TIMM9: variants seen among roughly 807,000 people sequenced by gnomAD.
TIMM9 encodes translocase of inner mitochondrial membrane 9, also known as mitochondrial import inner membrane translocase subunit Tim9.
A neutral mutation model predicts 13.4 loss-of-function variants in TIMM9; 10 were observed. That is an observed-to-expected ratio of 0.75 (90% CI 0.46 to 1.26). The LOEUF (loss-of-function observed/expected upper bound fraction) is 1.26, where lower values mean the gene tolerates loss of function less well. Ranked by LOEUF, TIMM9 falls within the 50% of genes most tolerant of loss-of-function variation. The probability of loss-of-function intolerance (pLI) is 0.00; values close to 1 mark genes in which losing one functional copy is unlikely to be tolerated. For missense variants in TIMM9, 87 were observed against 100.8 expected (o/e 0.86, Z 0.58); for synonymous variants, 32 against 32.1 (o/e 1.00, Z 0.01).
In TIMM9 at chr14:58,413,992, G is replaced by T. The variant is rs569124982; in HGVS notation, c.-26-2021C>A. Among the ~76,000 whole-genome samples the T allele has an allele frequency of 5.0e-4, 51 of 102,620 alleles. 1 individual carries two copies. Among genetic ancestry groups the T allele is most frequent in the African/African-American group, 1.9e-3 (49 of 25,924 alleles). The allele number at this position is 102,620 out of a possible 152,430, so 67.3% of individuals were successfully genotyped here. A position where few individuals can be genotyped will look rare whatever the true frequency, so the allele number is the denominator to read the frequency against. On this transcript the variant is annotated intron_variant, in intron 3 of 5. Coordinates refer to ENST00000395159, the MANE Select transcript of TIMM9 (RefSeq NM_012460.4). Reference sequence around the variant, plus strand: ...ACTGCACTCCGGCCTGGGTGACAGAGTGAGATTCCGTCTCAGAAAAAAAAA... The same window carrying T: ...ACTGCACTCCGGCCTGGGTGACAGATTGAGATTCCGTCTCAGAAAAAAAAA...
Position 58,408,889 on chromosome 14 carries a change from C to T in TIMM9, c.*145G>A, listed in dbSNP as rs2036116414. 3 of 1,199,612 alleles carry T rather than the reference C, an allele frequency of 2.5e-6. No homozygotes were observed. The highest frequency in any genetic ancestry group is 3.4e-6 in the Non-Finnish European group (3 of 871,630). 74.3% of individuals were successfully genotyped at this position (1,199,612 alleles called of 1,614,324 possible). A position where few individuals can be genotyped will look rare whatever the true frequency, so the allele number is the denominator to read the frequency against. On this transcript the variant is annotated 3_prime_UTR_variant, in exon 6 of 6. Coordinates refer to ENST00000395159, the MANE Select transcript of TIMM9 (RefSeq NM_012460.4). ...CTGGTAAATAGCAATTTTGTTTCTC[C>T]AGCGGTTTCCATTTGCCAAACAGTC...
intron 3 of TIMM9, among the ~76,000 whole-genome samples, chr14:58,422,610 A>G (rs2036620371): frequency 6.6e-6 from 1 of 152,198 alleles, no homozygotes; most frequent in South Asian, 2.1e-4. Flanking sequence ...GTATTAATAT[A>G]CATTACTTAA....
chr14:58,412,039 A>G (rs1239346523), intron 3 of TIMM9, 68 bp from the exon 4 acceptor site: 3 of 1,139,152 alleles, frequency 2.6e-6, no homozygotes, highest in Non-Finnish European at 2.6e-6. Context: ...CTGAAGAGTT[A>G]GGGAATCACT....
intron 2 of TIMM9, among the ~76,000 whole-genome samples, chr14:58,426,717 A>T (rs2036838956): frequency 6.6e-6 from 1 of 152,234 alleles, no homozygotes; most frequent in African/African-American, 2.4e-5. Context: ...TTATGTCTAA[A>T]GACGATTTTC....
Position 58,408,921 on chromosome 14 carries a change from G to A in TIMM9, c.*113C>T. ...TTCCATTTGCCAAACAGTCATGACA[G>A]ATGGTTGAACATGGTGGCTACTGCT... On this transcript the variant is annotated 3_prime_UTR_variant, in exon 6 of 6. Transcript: ENST00000395159. 1 of 1,456,984 alleles carries A rather than the reference G, an allele frequency of 6.9e-7. No individual in the cohort carries two copies. The highest frequency in any genetic ancestry group is 9.2e-7 in the Non-Finnish European group (1 of 1,087,006). 90.3% of individuals were successfully genotyped at this position (1,456,984 alleles called of 1,614,324 possible). A position where few individuals can be genotyped will look rare whatever the true frequency, so the allele number is the denominator to read the frequency against.
rs1333051748 is a variant in TIMM9, at chr14:58,427,490, G to C, written c.-402C>G. On this transcript the variant is annotated 5_prime_UTR_variant, in exon 1 of 6. In the 5' UTR this introduces an upstream ATG that the reference lacks. Coordinates refer to ENST00000395159, the MANE Select transcript of TIMM9 (RefSeq NM_012460.4). ...CAAGTCGGGAGCTCTTCAAGTCTTG[G>C]ATGAGACTGTAGAGCGGTCTTGTGC... The C allele has an allele frequency of 2.6e-6, 3 of 1,148,424 alleles. No homozygotes were observed. Among genetic ancestry groups the C allele is most frequent in the Non-Finnish European group, 3.7e-6 (3 of 808,046 alleles). 71.1% of individuals were successfully genotyped at this position (1,148,424 alleles called of 1,614,324 possible). A position where few individuals can be genotyped will look rare whatever the true frequency, so the allele number is the denominator to read the frequency against.
At chr14:58,414,394 C>G (rs1566749000) in intron 3 of TIMM9, among the ~76,000 whole-genome samples, 1 of 152,218 alleles carries the variant, frequency 6.6e-6, no homozygotes, top group East Asian at 1.9e-4. Context: ...TTCCATTCCA[C>G]CAGTCTCAAC....
At chr14:58,409,289 T>C (rs1013438911) in intron 5 of TIMM9, 121 bp from the exon 6 acceptor site, 1 of 1,097,476 alleles carries the variant, frequency 9.1e-7, no homozygotes. Context: ...GAGAATTAAA[T>C]AGTACTAATT....
chr14:58,420,236 A>C (rs2036547512), intron 3 of TIMM9, among the ~76,000 whole-genome samples: 1 of 152,222 alleles, frequency 6.6e-6, no homozygotes, highest in Admixed American at 6.5e-5. Flanking sequence ...AAAAATTAAA[A>C]ACTTTTGCTT....
rs563201875 is a variant in TIMM9, at chr14:58,411,373, G to A, written c.40-435C>T. ...TGAGGCAGGAGAATTGCTTGGGCCCGGGAGATGGAGGTTGCAGTGAACCAA... is the reference window on the plus strand; with the variant it reads ...TGAGGCAGGAGAATTGCTTGGGCCCAGGAGATGGAGGTTGCAGTGAACCAA... On this transcript the variant is annotated intron_variant, in intron 4 of 5. Coordinates refer to ENST00000395159, the MANE Select transcript of TIMM9 (RefSeq NM_012460.4). 9.6e-4 allele frequency among the ~76,000 whole-genome samples: 146 copies of A among 152,056 alleles called. 1 individual carries two copies. The highest frequency in any genetic ancestry group is 3.4e-3 in the Middle Eastern group (1 of 292).
At chr14:58,413,031 C>G (rs1448184080) in intron 3 of TIMM9, among the ~76,000 whole-genome samples, 1 of 152,112 alleles carries the variant, frequency 6.6e-6, no homozygotes, top group Non-Finnish European at 1.5e-5. Context: ...TACTATTATA[C>G]TCAGTCGAAT....
At chr14:58,412,007 T>C (rs554571369) in intron 3 of TIMM9, 36 bp from the exon 4 acceptor site, 8 of 1,491,570 alleles carry the variant, frequency 5.4e-6, no homozygotes, top group Admixed American at 3.4e-5. Context: ...TGTCAATCTA[T>C]AAACAAATGT....
intron 5 of TIMM9, 90 bp from the exon 6 acceptor site, chr14:58,409,258 T>G: frequency 1.9e-5 from 28 of 1,448,108 alleles, no homozygotes; most frequent in Non-Finnish European, 2.5e-5. Flanking sequence ...TGGGGTAGTT[T>G]GCTTTTCTTT....
At chr14:58,419,655 T>G (rs541686265) in intron 3 of TIMM9, among the ~76,000 whole-genome samples, 2 of 151,494 alleles carry the variant, frequency 1.3e-5, no homozygotes, top group Non-Finnish European at 3.0e-5. Flanking sequence ...CCTGGAATTC[T>G]AGCACTTTGG....
chr14:58,414,823 A>G (rs1483960219), intron 3 of TIMM9, among the ~76,000 whole-genome samples: 1 of 152,268 alleles, frequency 6.6e-6, no homozygotes, highest in African/African-American at 2.4e-5. Context: ...TCGTATGCAC[A>G]GAAAAGCCTC....
intron 3 of TIMM9, among the ~76,000 whole-genome samples, chr14:58,421,040 G>A (rs916143960): frequency 1.3e-5 from 2 of 152,114 alleles, no homozygotes; most frequent in African/African-American, 4.8e-5. Context: ...ATGAAAATTT[G>A]TGTTCACAGG....
At chr14:58,420,553 G>A (rs965932014) in intron 3 of TIMM9, among the ~76,000 whole-genome samples, 16 of 152,174 alleles carry the variant, frequency 1.1e-4, no homozygotes, top group Admixed American at 1.0e-3. Context: ...AGCACTTTCG[G>A]AGGCTGAGGC....
At chr14:58,419,486 CACACACACACACACACACAAACACAT>C (rs1566752382) in intron 3 of TIMM9, among the ~76,000 whole-genome samples, 12 of 150,784 alleles carry the variant, frequency 8.0e-5, no homozygotes, top group Middle Eastern at 3.4e-3. Flanking sequence ...CACACACACA[CACACACACACACACACACAAACACAT>C]ACACACACAC....
intron 5 of TIMM9, among the ~76,000 whole-genome samples, chr14:58,410,534 A>T (rs1326803652): frequency 1.3e-5 from 2 of 152,230 alleles, no homozygotes. Context: ...AGGCTGTGCC[A>T]AGTTTCTCTA....
Sources: gnomAD v4.1 joint callset for allele counts (sites outside exome capture counted in the v4.1 genomes callset) on GRCh38, gnomAD v4.1.1 for gene constraint, MANE v1.5 for transcripts, NCBI Gene and HGNC (gene_info 2026-07-23, HGNC 2026-07-21) for gene names.